The following SYT16 variants were observed in gnomAD, a reference collection of about 807,000 sequenced individuals.
SYT16 encodes the protein synaptotagmin 16.
SYT16 carries 42 observed loss-of-function variants against 61.4 expected under a neutral mutation model. That is an observed-to-expected ratio of 0.68 (90% confidence interval 0.53 to 0.89). The LOEUF is 0.89. Among genes scored for constraint, SYT16 ranks in the 40% least tolerant of loss-of-function variants. SYT16 has a pLI of 0.00. For synonymous variants in SYT16, 314 were observed against 302.3 expected (o/e 1.04, Z -0.40); for missense variants, 804 against 807.3 (o/e 1.00, Z 0.05).
At chr14:62,022,853 A>G (rs1439843333) in intron 3 of SYT16, among the ~76,000 whole-genome samples, 2 of 151,998 alleles carry the variant, frequency 1.3e-5, no homozygotes, top group Non-Finnish European at 2.9e-5. Flanking sequence ...TTGGATTCTT[A>G]ATTTTAGTTA....
intron 1 of SYT16, among the ~76,000 whole-genome samples, chr14:61,867,123 T>A (rs1332597354): frequency 1.3e-5 from 2 of 152,196 alleles, no homozygotes; most frequent in Middle Eastern, 3.4e-3. Flanking sequence ...ATCTTTATGC[T>A]AATATCATAC....
At chr14:61,960,807 G>T (rs189262036) in intron 1 of SYT16, among the ~76,000 whole-genome samples, 62 of 152,200 alleles carry the variant, frequency 4.1e-4, no homozygotes, top group African/African-American at 1.1e-3. Flanking sequence ...TCCAGGTTTT[G>T]CCCATTCAGT....
At chr14:61,862,948 T>C (rs796643983) in intron 1 of SYT16, among the ~76,000 whole-genome samples, 9 of 152,342 alleles carry the variant, frequency 5.9e-5, no homozygotes, top group African/African-American at 2.2e-4. Flanking sequence ...CATGGGTTGA[T>C]AGCTTATTTC....
At chr14:61,846,604 C>A (rs1259781143) in intron 1 of SYT16, among the ~76,000 whole-genome samples, 1 of 152,082 alleles carries the variant, frequency 6.6e-6, no homozygotes, top group Non-Finnish European at 1.5e-5. Flanking sequence ...CTTGCTTTTT[C>A]ATCCATTCTG....
chr14:61,997,703 C>G (rs568937694), intron 3 of SYT16, among the ~76,000 whole-genome samples: 12 of 152,098 alleles, frequency 7.9e-5, no homozygotes, highest in African/African-American at 2.9e-4. Context: ...TAGAAATATT[C>G]TAGAAATATC....
chr14:61,996,999 G>A (rs1222640441), intron 3 of SYT16, among the ~76,000 whole-genome samples: 2 of 152,048 alleles, frequency 1.3e-5, no homozygotes, highest in Non-Finnish European at 2.9e-5. Context: ...TCACTGAGAC[G>A]TGATGTGAGA....
chr14:62,007,206 A>G (rs1034106063), intron 3 of SYT16, among the ~76,000 whole-genome samples: 2 of 152,142 alleles, frequency 1.3e-5, no homozygotes, highest in African/African-American at 4.8e-5. Context: ...TTTCTACAGG[A>G]TATACTACTG....
chr14:61,931,497 T>C (rs1566690396), intron 1 of SYT16, among the ~76,000 whole-genome samples: 1 of 152,214 alleles, frequency 6.6e-6, no homozygotes, highest in Non-Finnish European at 1.5e-5. Flanking sequence ...ATGTATAGCT[T>C]TCTAGTTATT....
intron 3 of SYT16, among the ~76,000 whole-genome samples, chr14:62,044,338 G>C (rs1054593684): frequency 6.6e-6 from 1 of 152,078 alleles, no homozygotes; most frequent in Non-Finnish European, 1.5e-5. Flanking sequence ...GAATGTGCAG[G>C]TTTGTTACAT....
intron 1 of SYT16, among the ~76,000 whole-genome samples, chr14:61,952,482 A>G (rs1234729039): frequency 6.6e-6 from 1 of 152,200 alleles, no homozygotes; most frequent in Non-Finnish European, 1.5e-5. Context: ...AGGAAAGGAG[A>G]GCAAGTTTGC....
chr14:61,996,032 A>G lies in SYT16; in HGVS notation c.13A>G (p.Met5Val). MVLA[M>V]ASQDVQNFFQ... is the part of the protein sequence containing the mutation. ...CAGATAGCTGGCCATGGTGTTGGCC[A>G]TGGCGTCTCAGGATGTTCAGAACTT... Residue 5 changes from methionine (M) to valine (V), a missense_variant, in exon 3 of 8, where the codon ATG (methionine) becomes GTG (valine). Coordinates refer to ENST00000683842, the MANE Select transcript of SYT16 (RefSeq NM_001367656.1). 6.3e-7 allele frequency: 1 copy of G among 1,594,048 alleles called. No homozygotes were observed. Among genetic ancestry groups the G allele is most frequent in the South Asian group, 1.1e-5 (1 of 87,114 alleles).
chr14:61,994,686 T>G (rs2052691571), intron 2 of SYT16, among the ~76,000 whole-genome samples: 1 of 152,076 alleles, frequency 6.6e-6, no homozygotes, highest in African/African-American at 2.4e-5. Flanking sequence ...TTATTCAGCA[T>G]AGGGGGGAAA....
At chr14:61,916,687 C>G (rs1358358131) in intron 1 of SYT16, among the ~76,000 whole-genome samples, 2 of 152,112 alleles carry the variant, frequency 1.3e-5, no homozygotes, top group Non-Finnish European at 2.9e-5. Context: ...GGAACCTATT[C>G]CTTTTATCTA....
intron 4 of SYT16, among the ~76,000 whole-genome samples, chr14:62,072,914 T>C (rs10148417): frequency 0.24 from 35,749 of 152,078 alleles, 4,602 homozygotes; most frequent in African/African-American, 0.35. Flanking sequence ...TGATGTGACA[T>C]AGTTATGGCC....
chr14:62,109,881 CA>C lies in SYT16; in HGVS notation c.*9177del, dbSNP rs1555388702. On this transcript the variant is annotated 3_prime_UTR_variant, in exon 8 of 8. Transcript: ENST00000683842. ...TTGTGCCCCGTCATAGTTAATTGTACAAATCAATTAAAAATGGTATGTAAGC... is the reference window on the plus strand; with the variant it reads ...TTGTGCCCCGTCATAGTTAATTGTACAATCAATTAAAAATGGTATGTAAGC... 2 of 152,142 alleles carry C rather than the reference CA, an allele frequency of 1.3e-5. No homozygotes were observed. Among genetic ancestry groups the C allele is most frequent in the Non-Finnish European group, 2.9e-5 (2 of 68,014 alleles). The allele number at this position is 152,142 out of a possible 1,614,324, so 9.4% of individuals were successfully genotyped here. A position where few individuals can be genotyped will look rare whatever the true frequency, so the allele number is the denominator to read the frequency against.
chr14:62,063,220 A>G (rs2055906200), intron 3 of SYT16, among the ~76,000 whole-genome samples: 1 of 152,106 alleles, frequency 6.6e-6, no homozygotes, highest in Admixed American at 6.6e-5. Context: ...CACTACAACA[A>G]CCCTAATGGT....
At chr14:62,001,419 C>T (rs1057391013) in intron 3 of SYT16, among the ~76,000 whole-genome samples, 3 of 152,050 alleles carry the variant, frequency 2.0e-5, no homozygotes, top group African/African-American at 4.8e-5. Context: ...TGCCATTTCA[C>T]TATCTTATGG....
chr14:61,952,198 C>T (rs1443526673), intron 1 of SYT16, among the ~76,000 whole-genome samples: 2 of 151,766 alleles, frequency 1.3e-5, no homozygotes, highest in African/African-American at 4.8e-5. Context: ...TTAAATTCAG[C>T]AACATAAGCA....
intron 1 of SYT16, among the ~76,000 whole-genome samples, chr14:61,858,543 T>C (rs985198733): frequency 6.6e-6 from 1 of 152,110 alleles, no homozygotes; most frequent in African/African-American, 2.4e-5. Flanking sequence ...AATAAAGCTT[T>C]CACACCCAGG....
Sources: gnomAD v4.1 joint callset for allele counts (sites outside exome capture counted in the v4.1 genomes callset) on GRCh38, gnomAD v4.1.1 for gene constraint, MANE v1.5 for transcripts, NCBI Gene and HGNC (gene_info 2026-07-23, HGNC 2026-07-21) for gene names.